Variants in STX18 observed in about 807,000 individuals in gnomAD.
STX18 encodes syntaxin 18.
Under a neutral mutation model 50.1 loss-of-function variants are expected in STX18, and 40 were observed. The ratio of observed to expected loss-of-function variants is 0.80; its 90% confidence interval spans 0.62 to 1.04. The LOEUF (loss-of-function observed/expected upper bound fraction) is 1.04, where lower values mean the gene tolerates loss of function less well. Among genes scored for constraint, STX18 ranks in the 50% least tolerant of loss-of-function variants. The probability of loss-of-function intolerance (pLI) is 0.00; values close to 1 mark genes in which losing one functional copy is unlikely to be tolerated. For missense variants in STX18, 410 were observed against 415.8 expected, an observed-to-expected ratio of 0.99 and a Z score of 0.12; for synonymous variants, 158 against 151.8, an observed-to-expected ratio of 1.04 and a Z score of -0.30.
intron 1 of STX18, among the ~76,000 whole-genome samples, chr4:4,504,006 TA>T (rs1225224986): frequency 4.6e-5 from 7 of 152,308 alleles, no homozygotes; most frequent in Admixed American, 1.3e-4. Context: ...AAAATTCTTT[TA>T]GGGGATACAT....
intron 1 of STX18, among the ~76,000 whole-genome samples, chr4:4,533,112 T>C (rs1010557463): frequency 3.3e-5 from 5 of 152,240 alleles, no homozygotes; most frequent in African/African-American, 9.6e-5. Flanking sequence ...ATTTCAACTG[T>C]GCTGCAAGCT....
intron 1 of STX18, among the ~76,000 whole-genome samples, chr4:4,536,278 T>C (rs1731325266): frequency 6.6e-6 from 1 of 152,244 alleles, no homozygotes; most frequent in Non-Finnish European, 1.5e-5. Context: ...AGTTATTCAT[T>C]AATTCAAGAA....
chr4:4,506,237 G>C (rs1729700627), intron 1 of STX18, among the ~76,000 whole-genome samples: 1 of 152,128 alleles, frequency 6.6e-6, no homozygotes, highest in Non-Finnish European at 1.5e-5. Context: ...GCAAAAATCT[G>C]TATACAAACA....
chr4:4,454,846 G>T (rs1274705102), intron 5 of STX18, among the ~76,000 whole-genome samples: 1 of 152,136 alleles, frequency 6.6e-6, no homozygotes, highest in Non-Finnish European at 1.5e-5. Context: ...TTAAAGATAT[G>T]GTGGCTTTTT....
intron 2 of STX18, among the ~76,000 whole-genome samples, chr4:4,465,734 C>T (rs1256274494): frequency 6.6e-6 from 1 of 152,156 alleles, no homozygotes; most frequent in Non-Finnish European, 1.5e-5. Context: ...ATGTAACAAA[C>T]CTGCACATCC....
At chr4:4,503,687 G>T (rs1386361938) in intron 1 of STX18, among the ~76,000 whole-genome samples, 1 of 151,990 alleles carries the variant, frequency 6.6e-6, no homozygotes, top group African/African-American at 2.4e-5. Flanking sequence ...ATATTTCCAA[G>T]CATAAACCGG....
At chr4:4,447,869 A>G (rs1284008427) in intron 5 of STX18, among the ~76,000 whole-genome samples, 3 of 152,228 alleles carry the variant, frequency 2.0e-5, no homozygotes, top group Admixed American at 1.3e-4. Flanking sequence ...CAAGATGCAG[A>G]CCGATGGAGG....
intron 5 of STX18, among the ~76,000 whole-genome samples, chr4:4,449,129 C>G (rs1483745114): frequency 6.7e-6 from 1 of 149,716 alleles, no homozygotes; most frequent in Admixed American, 6.7e-5. Context: ...TCACTGCAGC[C>G]TTGAACTCCT....
At chr4:4,523,625 C>T (rs767169244) in intron 1 of STX18, among the ~76,000 whole-genome samples, 5 of 152,182 alleles carry the variant, frequency 3.3e-5, no homozygotes, top group African/African-American at 4.8e-5. Flanking sequence ...TCAAATATAT[C>T]GAGTCTACTC....
chr4:4,493,469 T>C (rs756757792), intron 1 of STX18, among the ~76,000 whole-genome samples: 25 of 152,198 alleles, frequency 1.6e-4, no homozygotes, highest in Non-Finnish European at 2.2e-4. Context: ...CACCACAGCA[T>C]ATTCACCTGG....
At position 4,457,080 on chromosome 4, in the gene STX18, G is replaced by A. The variant is rs145048711; in HGVS notation, c.497+111C>T. The stretch of plus-strand genomic sequence containing the variant: ...GGTAGCGCCAGCTATGGCATTTTGC[G>A]AAGAAGTTCAAACACGGTACATTGC... On this transcript the variant is annotated intron_variant, in intron 5 of 10. Coordinates refer to ENST00000306200, the MANE Select transcript of STX18 (RefSeq NM_016930.4). 1.6e-4 allele frequency: 166 copies of A among 1,029,848 alleles called. 1 individual carries two copies. The African/African-American group carries it at 1.6e-3, about 10-fold the overall frequency. The allele number at this position is 1,029,848 out of a possible 1,614,324, so 63.8% of individuals were successfully genotyped here. A position where few individuals can be genotyped will look rare whatever the true frequency, so the allele number is the denominator to read the frequency against.
rs375029062 is a variant in STX18, at chr4:4,420,368, G to A, written c.913-239C>T. ...ACAATTCTCCCTCAACACAACTCTC[G>A]GAATCACTCCCTTCTGTCCCAGGGT... On this transcript the variant is annotated intron_variant, in intron 10 of 10. Transcript: ENST00000306200. This position sits in a 1 kb window ranked among gnomAD's most constrained non-coding sequence, Gnocchi z 4.3. 1.6e-5 allele frequency: 8 copies of A among 511,676 alleles called. No individual in the cohort carries two copies. The highest frequency in any genetic ancestry group is 3.5e-5 in the East Asian group (1 of 28,886). 31.7% of individuals were successfully genotyped at this position (511,676 alleles called of 1,614,324 possible).
At position 4,541,692 on chromosome 4, in the gene STX18, C is replaced by G. The variant is rs911530589; in HGVS notation, c.168+105G>C. On this transcript the variant is annotated intron_variant, in intron 1 of 10. Coordinates refer to ENST00000306200, the MANE Select transcript of STX18 (RefSeq NM_016930.4). Reference sequence around the variant, plus strand: ...ACTCTTCTGTCCCCCTTAGAGCCACCCCCTTCACACAATGCTTACGGGACG... The same window carrying G: ...ACTCTTCTGTCCCCCTTAGAGCCACGCCCTTCACACAATGCTTACGGGACG... 17 of 1,329,900 alleles carry G rather than the reference C, an allele frequency of 1.3e-5. No individual in the cohort carries two copies. The Admixed American group carries it at 3.8e-4, about 30-fold the overall frequency. The allele number at this position is 1,329,900 out of a possible 1,614,324, so 82.4% of individuals were successfully genotyped here. A position where few individuals can be genotyped will look rare whatever the true frequency, so the allele number is the denominator to read the frequency against.
chr4:4,531,130 A>G (rs1008400718), intron 1 of STX18, among the ~76,000 whole-genome samples: 1 of 151,090 alleles, frequency 6.6e-6, no homozygotes, highest in African/African-American at 2.4e-5. Flanking sequence ...TTTACAACAC[A>G]TCCTTTGGCA....
chr4:4,452,194 G>C (rs1726788799), intron 5 of STX18, among the ~76,000 whole-genome samples: 1 of 152,194 alleles, frequency 6.6e-6, no homozygotes, highest in African/African-American at 2.4e-5. Context: ...AGCTGCAAAA[G>C]AAAAGTTGGA....
chr4:4,500,624 C>A (rs901347142), intron 1 of STX18, among the ~76,000 whole-genome samples: 4 of 152,198 alleles, frequency 2.6e-5, no homozygotes, highest in African/African-American at 9.7e-5. Context: ...ATAAGTTAAA[C>A]CATATTATAT....
intron 2 of STX18, among the ~76,000 whole-genome samples, chr4:4,468,011 G>A (rs1016736273): frequency 2.6e-5 from 4 of 152,182 alleles, no homozygotes; most frequent in South Asian, 2.1e-4. Flanking sequence ...CCATCAAGGC[G>A]CTTAACATCA....
intron 2 of STX18, among the ~76,000 whole-genome samples, chr4:4,459,927 T>C (rs908586462): frequency 1.3e-5 from 2 of 152,206 alleles, no homozygotes; most frequent in African/African-American, 2.4e-5. Flanking sequence ...CATGTGTTGG[T>C]TGTCTCCTCC....
At chr4:4,454,717 C>T (rs1577337399) in intron 5 of STX18, among the ~76,000 whole-genome samples, 1 of 152,200 alleles carries the variant, frequency 6.6e-6, no homozygotes, top group African/African-American at 2.4e-5. Context: ...AACCCCATTG[C>T]TTGAGAAATC....
Sources: gnomAD v4.1 joint callset for allele counts (sites outside exome capture counted in the v4.1 genomes callset) on GRCh38, gnomAD v4.1.1 for gene constraint, Gnocchi (gnomAD v3.1) non-coding constraint, MANE v1.5 for transcripts, NCBI Gene and HGNC (gene_info 2026-07-23, HGNC 2026-07-21) for gene names.